The following ATP11A variants were observed in gnomAD, a reference collection of about 807,000 sequenced individuals.
The protein encoded by ATP11A is phospholipid-transporting ATPase IH.
ATP11A carries 81 observed loss-of-function variants against 154.4 expected under a neutral mutation model. The ratio of observed to expected loss-of-function variants is 0.52; its 90% CI spans 0.44 to 0.63. The LOEUF is 0.63. Among genes scored for constraint, ATP11A ranks in the 30% least tolerant of loss-of-function variants. The pLI is 0.00. For synonymous variants in ATP11A, 623 were observed against 585.9 expected (o/e 1.06, Z -0.91); for missense variants, 1,316 against 1,474.3 (o/e 0.89, Z 1.76).
At chr13:112,701,457 C>T (rs534102964) in intron 1 of ATP11A, among the ~76,000 whole-genome samples, 1 of 152,198 alleles carries the variant, frequency 6.6e-6, no homozygotes, top group Non-Finnish European at 1.5e-5. Flanking sequence ...TGCCAAGAAT[C>T]CCAGAGATGT....
At chr13:112,742,124 G>A (rs1408442615) in intron 1 of ATP11A, among the ~76,000 whole-genome samples, 1 of 152,244 alleles carries the variant, frequency 6.6e-6, no homozygotes, top group South Asian at 2.1e-4. Flanking sequence ...TCCACAGGGA[G>A]CAGCCACCCC....
chr13:112,701,606 G>T (rs1886545095), intron 1 of ATP11A, among the ~76,000 whole-genome samples: 1 of 152,172 alleles, frequency 6.6e-6, no homozygotes, highest in African/African-American at 2.4e-5. Context: ...GCCGAGGCGG[G>T]CGGATCACGA....
In ATP11A at chr13:112,754,973, G is replaced by C. The variant is rs1485611901; in HGVS notation, c.40-30162G>C. On this transcript the variant is annotated intron_variant, in intron 1 of 29. Coordinates refer to ENST00000375645, the MANE Select transcript of ATP11A (RefSeq NM_015205.3). The surrounding 1 kb of genome is among the most constrained non-coding windows in gnomAD (Gnocchi z 5.3). Reference sequence around the variant, plus strand: ...CGGTGGGCGCAGAGCTCCTGCCGAGGGCTGGATGGCGCGGACCTGGGCATC... The same window carrying C: ...CGGTGGGCGCAGAGCTCCTGCCGAGCGCTGGATGGCGCGGACCTGGGCATC... Among the ~76,000 whole-genome samples the C allele has an allele frequency of 1.3e-5, 2 of 152,258 alleles. No homozygotes were observed. The highest frequency in any genetic ancestry group is 3.8e-4 in the East Asian group (2 of 5,198).
intron 29 of ATP11A, chr13:112,880,621 CG>C (rs1156652892): frequency 8.5e-6 from 11 of 1,297,546 alleles, no homozygotes; most frequent in Middle Eastern, 2.1e-4. Flanking sequence ...CCTCCTACGG[CG>C]GCCAAGGCGC....
intron 8 of ATP11A, among the ~76,000 whole-genome samples, chr13:112,821,202 A>C (rs1216020874): frequency 6.6e-6 from 1 of 152,236 alleles, no homozygotes; most frequent in South Asian, 2.1e-4. Flanking sequence ...TAAACATTGC[A>C]GGCTTTTCAT....
In ATP11A at chr13:112,879,141, C is replaced by G. The variant is rs140944423; in HGVS notation, c.*9+838C>G. Reference sequence around the variant, plus strand: ...GCTCCTGCACCAAATACCGCCTTCACGCATGCCTCCAAATCAGTGATGCTT... The same window carrying G: ...GCTCCTGCACCAAATACCGCCTTCAGGCATGCCTCCAAATCAGTGATGCTT... On this transcript the variant is annotated intron_variant, in intron 29 of 29. Coordinates refer to ENST00000375645, the MANE Select transcript of ATP11A (RefSeq NM_015205.3). Among the ~76,000 whole-genome samples, 13 of 152,350 alleles carry G rather than the reference C, an allele frequency of 8.5e-5. No homozygotes were observed. The East Asian group carries it at 2.5e-3, about 29-fold the overall frequency.
Position 112,882,188 on chromosome 13 carries a change from G to A in ATP11A, c.*322G>A. On this transcript the variant is annotated 3_prime_UTR_variant, in exon 30 of 30. Transcript: ENST00000375645. The surrounding 1 kb of genome is among the most constrained non-coding windows in gnomAD (Gnocchi z 5.1). ...CTGGCCGCCTGGACCCAGCACTGTG[G>A]TTGTTGAGCCACACCAGTGGCCTCT... The A allele has an allele frequency of 4.9e-6, 6 of 1,223,298 alleles. No individual in the cohort carries two copies. Among genetic ancestry groups the A allele is most frequent in the Non-Finnish European group, 6.4e-6 (6 of 931,530 alleles). The allele number at this position is 1,223,298 out of a possible 1,614,324, so 75.8% of individuals were successfully genotyped here.
At chr13:112,738,562 G>A (rs1594483550) in intron 1 of ATP11A, among the ~76,000 whole-genome samples, 1 of 152,164 alleles carries the variant, frequency 6.6e-6, no homozygotes, top group East Asian at 1.9e-4. Flanking sequence ...CAGATAAGCC[G>A]ACTGGCTTCA....
intron 25 of ATP11A, among the ~76,000 whole-genome samples, chr13:112,868,230 A>G (rs182520733): frequency 1.3e-5 from 2 of 152,374 alleles, no homozygotes; most frequent in African/African-American, 4.8e-5. Context: ...CGGTCCGCGT[A>G]TGGGCCAGGT....
chr13:112,695,123 C>A (rs1885647954), intron 1 of ATP11A, among the ~76,000 whole-genome samples: 1 of 152,112 alleles, frequency 6.6e-6, no homozygotes, highest in African/African-American at 2.4e-5. Flanking sequence ...TTTCCTAATC[C>A]AGGATTAGAC....
chr13:112,867,669 T>G (rs2080380587), intron 25 of ATP11A, among the ~76,000 whole-genome samples: 1 of 152,214 alleles, frequency 6.6e-6, no homozygotes, highest in African/African-American at 2.4e-5. Context: ...TAGCTCCTGT[T>G]TCCTGGTCTC....
chr13:112,723,031 G>GT (rs1241476949), intron 1 of ATP11A, among the ~76,000 whole-genome samples: 1 of 152,188 alleles, frequency 6.6e-6, no homozygotes, highest in African/African-American at 2.4e-5. Flanking sequence ...AGAAAGGAAT[G>GT]TTTAAGATAA....
intron 2 of ATP11A, among the ~76,000 whole-genome samples, chr13:112,801,121 T>C (rs1224654595): frequency 7.1e-6 from 1 of 141,290 alleles, no homozygotes; most frequent in African/African-American, 2.7e-5. Flanking sequence ...TTCAGCATTG[T>C]ACTGGAAATC....
chr13:112,771,651 T>C (rs748364), intron 1 of ATP11A, among the ~76,000 whole-genome samples: 48,425 of 152,124 alleles, frequency 0.32, 8,861 homozygotes, highest in Middle Eastern at 0.46. Flanking sequence ...CTTTCTGTAG[T>C]GTGAGGCCTT....
chr13:112,807,705 C>T lies in ATP11A; in HGVS notation c.333+1412C>T, dbSNP rs1416297929. Reference sequence around the variant, plus strand: ...GGGACCTGCCATGTGTCCTCGGGCCCAAAGTCACAGTTTCCAGGAACCCAT... The same window carrying T: ...GGGACCTGCCATGTGTCCTCGGGCCTAAAGTCACAGTTTCCAGGAACCCAT... On this transcript the variant is annotated intron_variant, in intron 4 of 29. Coordinates refer to ENST00000375645, the MANE Select transcript of ATP11A (RefSeq NM_015205.3). The surrounding 1 kb of genome is among the most constrained non-coding windows in gnomAD (Gnocchi z 4.5). 1.3e-5 allele frequency among the ~76,000 whole-genome samples: 2 copies of T among 152,068 alleles called. No homozygotes were observed. The highest frequency in any genetic ancestry group is 1.5e-5 in the Non-Finnish European group (1 of 68,004).
At chr13:112,822,145 T>A (rs973653017) in intron 8 of ATP11A, among the ~76,000 whole-genome samples, 6 of 152,262 alleles carry the variant, frequency 3.9e-5, no homozygotes, top group Non-Finnish European at 7.3e-5. Context: ...AAAAGCAAAC[T>A]TCAGCAAACA....
At chr13:112,842,215 T>A (rs780162898) in intron 16 of ATP11A, 61 bp from the exon 17 acceptor site, 386 of 1,345,890 alleles carry the variant, frequency 2.9e-4, no homozygotes, top group Non-Finnish European at 3.8e-4. Context: ...GGCATAATTT[T>A]AAAAAATAAT....
At chr13:112,877,020 T>C (rs773246943) in intron 28 of ATP11A, among the ~76,000 whole-genome samples, 4 of 152,206 alleles carry the variant, frequency 2.6e-5, no homozygotes, top group Non-Finnish European at 5.9e-5. Flanking sequence ...ACTCCCTCCT[T>C]CATGCCTCCT....
rs1022502865 is a variant in ATP11A at position 112,876,405 on chromosome 13, G to A, written c.3327+464G>A. ...ATTCTGGGTCCAGGGAAGACGTGACGATGCCGAGTGTCCCCCCAGGTGCAG... is the reference window on the plus strand; with the variant it reads ...ATTCTGGGTCCAGGGAAGACGTGACAATGCCGAGTGTCCCCCCAGGTGCAG... On this transcript the variant is annotated intron_variant, in intron 28 of 29. Transcript: ENST00000375645. Among the ~76,000 whole-genome samples the A allele has an allele frequency of 3.3e-5, 5 of 152,080 alleles. No homozygotes were observed. The East Asian group carries it at 5.9e-4, about 18-fold the overall frequency.
Sources: allele counts gnomAD v4.1 joint callset (sites outside exome capture counted in the v4.1 genomes callset), GRCh38; gene constraint gnomAD v4.1.1; non-coding constraint Gnocchi (gnomAD v3.1); transcripts MANE v1.5; gene names NCBI Gene and HGNC (gene_info 2026-07-23, HGNC 2026-07-21).